SAMMSON: variants seen among roughly 807,000 people sequenced by gnomAD.
The protein encoded by SAMMSON is survival associated mitochondrial melanoma specific oncogenic non-coding RNA.
intron 9 of SAMMSON, among the ~76,000 whole-genome samples, chr3:70,360,955 G>A (rs1401026443): frequency 6.6e-6 from 1 of 151,980 alleles, no homozygotes; most frequent in Non-Finnish European, 1.5e-5. Context: ...GAACTATCCC[G>A]TCACTGTGCT....
At chr3:70,244,643 C>A (rs1016299125) in intron 4 of SAMMSON, among the ~76,000 whole-genome samples, 7 of 152,108 alleles carry the variant, frequency 4.6e-5, no homozygotes, top group Admixed American at 1.3e-4. Context: ...CTCTTTAGGG[C>A]AAATGCAATT....
chr3:70,100,768 G>GA (rs541367852), intron 4 of SAMMSON, among the ~76,000 whole-genome samples: 9 of 151,996 alleles, frequency 5.9e-5, no homozygotes, highest in Non-Finnish European at 2.9e-5. Flanking sequence ...ACTAAGGGGG[G>GA]AAAAAATCAA....
chr3:70,011,361 G>A (rs532410826), intron 1 of SAMMSON, among the ~76,000 whole-genome samples: 1 of 152,044 alleles, frequency 6.6e-6, no homozygotes, highest in Middle Eastern at 3.4e-3. Flanking sequence ...CCAAAGATTT[G>A]GTCAAAGCTT....
intron 2 of SAMMSON, among the ~76,000 whole-genome samples, chr3:70,418,253 T>C (rs1701281381): frequency 6.6e-6 from 1 of 152,180 alleles, no homozygotes; most frequent in Admixed American, 6.5e-5. Context: ...TCAAGCCCAA[T>C]CCACCTAATA....
At chr3:70,025,900 A>C (rs2067035480) in intron 3 of SAMMSON, among the ~76,000 whole-genome samples, 1 of 152,170 alleles carries the variant, frequency 6.6e-6, no homozygotes, top group East Asian at 1.9e-4. Context: ...GTGAATCATC[A>C]TATGGTCTTC....
intron 4 of SAMMSON, among the ~76,000 whole-genome samples, chr3:70,175,794 T>G (rs1018641250): frequency 6.6e-6 from 1 of 152,072 alleles, no homozygotes; most frequent in African/African-American, 2.4e-5. Context: ...AACAAGACAC[T>G]CCTAGCACAA....
At chr3:70,311,061 T>G (rs1354414237) in intron 7 of SAMMSON, among the ~76,000 whole-genome samples, 2 of 152,206 alleles carry the variant, frequency 1.3e-5, no homozygotes, top group Non-Finnish European at 2.9e-5. Context: ...GATGTTATTG[T>G]TATCATTATT....
intron 4 of SAMMSON, among the ~76,000 whole-genome samples, chr3:70,140,047 G>T (rs2067521784): frequency 6.6e-6 from 1 of 151,866 alleles, no homozygotes; most frequent in Admixed American, 6.6e-5. Context: ...TAATTATTTT[G>T]TAAGTCATTT....
At chr3:70,296,432 C>T (rs1451865325) in intron 7 of SAMMSON, among the ~76,000 whole-genome samples, 1 of 152,082 alleles carries the variant, frequency 6.6e-6, no homozygotes. Context: ...ATTCAAGAAA[C>T]ACTGAGCCCC....
At chr3:70,102,748 G>A (rs139491618) in intron 4 of SAMMSON, among the ~76,000 whole-genome samples, 18 of 152,304 alleles carry the variant, frequency 1.2e-4, no homozygotes, top group East Asian at 3.9e-4. Context: ...CTCTAAATGC[G>A]TGCAAACTGG....
intron 7 of SAMMSON, among the ~76,000 whole-genome samples, chr3:70,344,694 A>T (rs1343298990): frequency 6.6e-6 from 1 of 152,054 alleles, no homozygotes; most frequent in African/African-American, 2.4e-5. Flanking sequence ...CCAAGGGCAC[A>T]CTCCCTGGTT....
At chr3:70,157,536 T>C (rs892806208) in intron 4 of SAMMSON, among the ~76,000 whole-genome samples, 1 of 151,870 alleles carries the variant, frequency 6.6e-6, no homozygotes, top group African/African-American at 2.4e-5. Context: ...GCTTGAAAAA[T>C]AAGTAGTTTT....
chr3:70,146,128 C>T (rs1409881935), intron 4 of SAMMSON, among the ~76,000 whole-genome samples: 1 of 151,994 alleles, frequency 6.6e-6, no homozygotes, highest in East Asian at 1.9e-4. Context: ...AAAGCTCACC[C>T]AGTACAAAGT....
intron 3 of SAMMSON, chr3:70,068,862 C>T (rs958643932): frequency 6.6e-6 from 1 of 152,006 alleles, no homozygotes; most frequent in Admixed American, 6.6e-5. Context: ...CTTTATAATA[C>T]TGAAGAAAGA....
chr3:70,216,996 A>T (rs970130480), intron 4 of SAMMSON, among the ~76,000 whole-genome samples: 1 of 152,154 alleles, frequency 6.6e-6, no homozygotes, highest in African/African-American at 2.4e-5. Context: ...CTTTAATCTC[A>T]TAGCCCTGAT....
At chr3:70,129,552 A>G (rs772151064) in intron 4 of SAMMSON, among the ~76,000 whole-genome samples, 2 of 152,178 alleles carry the variant, frequency 1.3e-5, no homozygotes, top group African/African-American at 2.4e-5. Flanking sequence ...CTACAAAGGG[A>G]TTGAATCTTA....
chr3:70,308,030 G>GCAGCT (rs1431922948), intron 7 of SAMMSON, among the ~76,000 whole-genome samples: 2 of 152,052 alleles, frequency 1.3e-5, no homozygotes, highest in Admixed American at 1.3e-4. Flanking sequence ...TTTGCATAAT[G>GCAGCT]CAGCTCATCC....
intron 7 of SAMMSON, among the ~76,000 whole-genome samples, chr3:70,319,282 A>G (rs1702518679): frequency 6.6e-6 from 1 of 152,088 alleles, no homozygotes; most frequent in African/African-American, 2.4e-5. Context: ...TATTAGGAAA[A>G]GGACAGTGAA....
intron 3 of SAMMSON, among the ~76,000 whole-genome samples, chr3:70,066,044 C>A (rs992492190): frequency 6.6e-6 from 1 of 152,014 alleles, no homozygotes; most frequent in Non-Finnish European, 1.5e-5. Flanking sequence ...TTAAGCATAG[C>A]CCTTAAGGAA....
Sources: allele counts gnomAD v4.1 joint callset (sites outside exome capture counted in the v4.1 genomes callset), GRCh38; gene constraint gnomAD v4.1.1; transcripts MANE v1.5; gene names NCBI Gene and HGNC (gene_info 2026-07-23, HGNC 2026-07-21).